The following TBCK variants were observed in gnomAD, a reference collection of about 807,000 sequenced individuals.
TBCK encodes the protein TBC1 domain containing kinase, also known as TBC domain-containing protein kinase-like protein.
In TBCK, 99 loss-of-function variants were observed where a neutral mutation model predicts 113.4. The ratio of observed to expected loss-of-function variants is 0.87; its 90% CI spans 0.74 to 1.03. The LOEUF is 1.03. Among genes scored for constraint, TBCK ranks in the 50% least tolerant of loss-of-function variants. TBCK has a pLI of 0.00. For synonymous variants in TBCK, 369 were observed against 370.8 expected (o/e 1.00, Z 0.05); for missense variants, 1,045 against 1,061.3 (o/e 0.98, Z 0.21).
intron 25 of TBCK, among the ~76,000 whole-genome samples, chr4:106,055,968 A>G (rs915444573): frequency 5.9e-5 from 9 of 151,340 alleles, no homozygotes; most frequent in African/African-American, 2.2e-4. Context: ...AATTATGATA[A>G]TTATGGAAAA....
intron 25 of TBCK, among the ~76,000 whole-genome samples, chr4:106,064,143 G>A (rs975964682): frequency 6.6e-6 from 1 of 151,840 alleles, no homozygotes; most frequent in Non-Finnish European, 1.5e-5. Context: ...AGGGCTACAG[G>A]GGAGTGTAAA....
At chr4:106,115,734 C>A (rs563402392) in intron 24 of TBCK, among the ~76,000 whole-genome samples, 1 of 152,260 alleles carries the variant, frequency 6.6e-6, no homozygotes, top group East Asian at 1.9e-4. Flanking sequence ...ATAGTAAAAT[C>A]TTCGTAAATA....
At chr4:106,090,038 C>G (rs879319270) in intron 25 of TBCK, among the ~76,000 whole-genome samples, 1 of 152,206 alleles carries the variant, frequency 6.6e-6, no homozygotes, top group African/African-American at 2.4e-5. Context: ...CTCCACTCTA[C>G]GTTTCCCATT....
chr4:106,267,357 T>C (rs369723859), intron 3 of TBCK, among the ~76,000 whole-genome samples: 1 of 151,912 alleles, frequency 6.6e-6, no homozygotes, highest in African/African-American at 2.4e-5. Flanking sequence ...AACATATCAA[T>C]TGAGTGGCTA....
intron 24 of TBCK, among the ~76,000 whole-genome samples, chr4:106,112,012 C>G (rs1742915846): frequency 6.6e-6 from 1 of 152,174 alleles, no homozygotes; most frequent in South Asian, 2.1e-4. Context: ...TTCTCAGAGA[C>G]AACTAGATTG....
Position 106,088,803 on chromosome 4 carries a change from T to C in TBCK, c.2571+6679A>G, listed in dbSNP as rs182409858. ...GGGACATGGATGAAGCTGGAAGCCA[T>C]CATCCTCAGCAAACTAATAGAGGAG... On this transcript the variant is annotated intron_variant, in intron 25 of 25. Transcript: ENST00000394708. Among the ~76,000 whole-genome samples the C allele has an allele frequency of 1.6e-3, 250 of 152,270 alleles. 1 individual carries two copies. The highest frequency in any genetic ancestry group is 2.6e-3 in the Non-Finnish European group (180 of 68,026).
At chr4:106,274,098 A>T (rs569017073) in intron 3 of TBCK, among the ~76,000 whole-genome samples, 1 of 152,330 alleles carries the variant, frequency 6.6e-6, no homozygotes, top group East Asian at 1.9e-4. Context: ...CTTGGGACAA[A>T]GAACAATACA....
In TBCK at chr4:106,308,819, T is replaced by C. The variant is rs764624117; in HGVS notation, c.142A>G (p.Ile48Val). 2.5e-6 allele frequency: 4 copies of C among 1,614,174 alleles called. No homozygotes were observed. Among genetic ancestry groups the C allele is most frequent in the Admixed American group, 1.7e-5 (1 of 60,024 alleles). The change falls in exon 2 of 26, where the codon ATC becomes GTC. Residue 48 changes from isoleucine (I) to valine (V), a missense_variant. Physicochemically the swap from Ile to Val is conservative, Grantham distance 29. Transcript: ENST00000394708. ...TACTGGCAGAGTCTGGGATGGGTGA[T>C]GGTTTTAAGGATTTGAAAGCGCCCT... ...ILGRFQILKT[I>V]THPRLCQYVD...
chr4:106,117,941 G>A (rs1378968587), intron 23 of TBCK, among the ~76,000 whole-genome samples: 5 of 151,516 alleles, frequency 3.3e-5, no homozygotes, highest in African/African-American at 9.7e-5. Context: ...CCCGGGAGGC[G>A]GAGCTTGCAG....
At chr4:106,223,791 T>G (rs1413981765) in intron 19 of TBCK, among the ~76,000 whole-genome samples, 1 of 152,168 alleles carries the variant, frequency 6.6e-6, no homozygotes, top group Non-Finnish European at 1.5e-5. Flanking sequence ...TGAAGCTGCC[T>G]TTCTCCTCAA....
At chr4:106,228,765 T>A (rs1758512708) in intron 19 of TBCK, among the ~76,000 whole-genome samples, 1 of 152,012 alleles carries the variant, frequency 6.6e-6, no homozygotes. Context: ...TACCTAGCAG[T>A]AGGATTGCTG....
chr4:106,300,455 T>C (rs1430384326), intron 2 of TBCK, among the ~76,000 whole-genome samples: 1 of 152,222 alleles, frequency 6.6e-6, no homozygotes, highest in Non-Finnish European at 1.5e-5. Flanking sequence ...TAAAATAATA[T>C]AAAGGGTTAT....
intron 25 of TBCK, among the ~76,000 whole-genome samples, chr4:106,081,955 A>T (rs369753237): frequency 1.3e-5 from 2 of 152,196 alleles, no homozygotes; most frequent in Non-Finnish European, 2.9e-5. Context: ...AAAACACAAG[A>T]AATGCTGGTG....
intron 24 of TBCK, among the ~76,000 whole-genome samples, chr4:106,099,203 T>C (rs1741269574): frequency 6.6e-6 from 1 of 152,146 alleles, no homozygotes; most frequent in Non-Finnish European, 1.5e-5. Context: ...AGAAAGACTC[T>C]TCAATTTACA....
At chr4:106,259,613 C>G (rs1762311403) in intron 5 of TBCK, among the ~76,000 whole-genome samples, 1 of 151,752 alleles carries the variant, frequency 6.6e-6, no homozygotes, top group African/African-American at 2.4e-5. Context: ...AAAAAACAAT[C>G]ATTATACACA....
chr4:106,191,963 C>T (rs951958922), intron 22 of TBCK, among the ~76,000 whole-genome samples: 4 of 152,106 alleles, frequency 2.6e-5, no homozygotes, highest in African/African-American at 9.7e-5. Flanking sequence ...CTTGAATGAT[C>T]ATTAGTAAGA....
chr4:106,271,589 T>C (rs1408903330), intron 3 of TBCK, among the ~76,000 whole-genome samples: 2 of 151,684 alleles, frequency 1.3e-5, no homozygotes, highest in Non-Finnish European at 2.9e-5. Flanking sequence ...CCATCTCTAC[T>C]AAAAATACAA....
intron 14 of TBCK, 42 bp downstream of exon 14, chr4:106,236,348 C>T (rs756337550): frequency 9.0e-6 from 12 of 1,332,678 alleles, no homozygotes; most frequent in Non-Finnish European, 1.2e-5. Context: ...AAAAAAATTC[C>T]ATATGGGCTA....
chr4:106,124,404 A>G (rs1362145244), intron 23 of TBCK, among the ~76,000 whole-genome samples: 8 of 151,790 alleles, frequency 5.3e-5, no homozygotes, highest in Non-Finnish European at 7.4e-5. Context: ...CTGTTGGTGG[A>G]ACTGTAAACT....
Sources: gnomAD v4.1 joint callset for allele counts (sites outside exome capture counted in the v4.1 genomes callset) on GRCh38, gnomAD v4.1.1 for gene constraint, MANE v1.5 for transcripts, NCBI Gene and HGNC (gene_info 2026-07-23, HGNC 2026-07-21) for gene names.